KYAT3: variants seen among roughly 807,000 people sequenced by gnomAD.
KYAT3 encodes kynurenine--oxoglutarate transaminase 3.
Under a neutral mutation model 59.0 loss-of-function variants are expected in KYAT3, and 50 were observed. That is an observed-to-expected ratio of 0.85 (90% CI 0.68 to 1.07). The LOEUF is 1.07. Ranked by LOEUF, KYAT3 falls within the 50% of genes least tolerant of loss-of-function variation. KYAT3 has a pLI of 0.00. For synonymous variants in KYAT3, 148 were observed against 177.0 expected (o/e 0.84, Z 1.30); for missense variants, 497 against 533.3 (o/e 0.93, Z 0.67).
chr1:88,950,795 C>A (rs1205409816), intron 10 of KYAT3, among the ~76,000 whole-genome samples: 1 of 152,194 alleles, frequency 6.6e-6, no homozygotes, highest in Non-Finnish European at 1.5e-5. Flanking sequence ...CAGTCAGAGT[C>A]CATTTGCTAA....
chr1:88,952,601 C>T (rs944306942), intron 10 of KYAT3, among the ~76,000 whole-genome samples: 2 of 152,166 alleles, frequency 1.3e-5, no homozygotes, highest in African/African-American at 4.8e-5. Context: ...TTTTCTAAGG[C>T]CTCTCCAGAA....
chr1:88,990,391 C>G (rs1402356747), intron 1 of KYAT3, among the ~76,000 whole-genome samples: 2 of 152,236 alleles, frequency 1.3e-5, no homozygotes, highest in East Asian at 3.8e-4. Context: ...CCAGTGCAGT[C>G]TGACTTTTCA....
chr1:88,984,890 T>C (rs1052382292), intron 2 of KYAT3, among the ~76,000 whole-genome samples: 1 of 152,258 alleles, frequency 6.6e-6, no homozygotes, highest in South Asian at 2.1e-4. Flanking sequence ...CTTTACTACA[T>C]ATGAATTTGT....
rs199780126 is a variant in KYAT3, at chr1:88,964,824, C to G, written c.453+5G>C. 459 of 1,581,852 alleles carry G rather than the reference C, an allele frequency of 2.9e-4. 1 individual carries two copies. The highest frequency in any genetic ancestry group is 3.7e-4 in the Non-Finnish European group (434 of 1,163,790). On this transcript the variant is annotated splice_donor_5th_base_variant and intron_variant, in intron 5 of 13. Coordinates refer to ENST00000260508, the MANE Select transcript of KYAT3 (RefSeq NM_001008661.3). ...TGGGTATTACGATAATGTTAATATA[C>G]TTACTTCATCTCCCTCATCAATTAA... is the stretch of plus-strand genomic sequence containing the variant.
rs202226148 is a variant in KYAT3, at chr1:88,942,779, A to G, written c.1302+226T>C. ...GGGTTTCACTGTGTTATCCAGGATG[A>G]TCTTGATCTCCTGACCTCGTGATCA... On this transcript the variant is annotated intron_variant, in intron 13 of 13. Coordinates refer to ENST00000260508, the MANE Select transcript of KYAT3 (RefSeq NM_001008661.3). Among the ~76,000 whole-genome samples the G allele has an allele frequency of 8.9e-4, 135 of 151,900 alleles. 1 individual carries two copies. In the East Asian group the frequency reaches 0.024, roughly 27 times the overall value.
In KYAT3 at chr1:88,974,949, G is replaced by A. The variant is rs191073173; in HGVS notation, c.100-5482C>T. On this transcript the variant is annotated intron_variant, in intron 2 of 13. Transcript: ENST00000260508. ...AGGGCCAAATAAGGGAATAAAGGCC[G>A]GCCACGTGAGCCAGCAGGGGCAACC... Among the ~76,000 whole-genome samples the A allele has an allele frequency of 1.5e-3, 226 of 152,274 alleles. 3 individuals carry two copies. Among genetic ancestry groups the A allele is most frequent in the Admixed American group, 0.01 (157 of 15,288 alleles).
At chr1:88,931,969 T>C (rs1341052405), downstream of KYAT3, among the ~76,000 whole-genome samples, 1 of 136,610 alleles carries the variant, frequency 7.3e-6, no homozygotes, top group African/African-American at 2.7e-5. Flanking sequence ...GAAAAGATAA[T>C]GATTCTGTCT....
intron 10 of KYAT3, among the ~76,000 whole-genome samples, chr1:88,949,831 T>G (rs563369509): frequency 6.6e-6 from 1 of 152,334 alleles, no homozygotes; most frequent in East Asian, 1.9e-4. Flanking sequence ...GTAATTCCTC[T>G]ATCTTTCTTC....
the KYAT3 span, among the ~76,000 whole-genome samples, chr1:88,925,682 AAGAGAG>A: frequency 2.7e-5 from 4 of 148,082 alleles, no homozygotes; most frequent in South Asian, 6.4e-4. Context: ...AGAGAGATGG[AAGAGAG>A]AGAGAGAGAG....
At chr1:88,945,275 G>A (rs1300921155) in intron 11 of KYAT3, among the ~76,000 whole-genome samples, 1 of 152,154 alleles carries the variant, frequency 6.6e-6, no homozygotes, top group African/African-American at 2.4e-5. Flanking sequence ...ATCCTCAAGG[G>A]AACTAAAGTC....
intron 12 of KYAT3, 128 bp downstream of exon 12, chr1:88,943,222 T>C: frequency 6.8e-6 from 7 of 1,029,226 alleles, no homozygotes; most frequent in Non-Finnish European, 1.0e-5. Flanking sequence ...AAAAATGCTT[T>C]TAAAAGCCAC....
intron 11 of KYAT3, among the ~76,000 whole-genome samples, chr1:88,947,499 T>A (rs1675490104): frequency 6.6e-6 from 1 of 152,188 alleles, no homozygotes; most frequent in Non-Finnish European, 1.5e-5. Flanking sequence ...ACAGGTCAGA[T>A]GAGAGCCACA....
chr1:88,932,548 C>T (rs891960439), downstream of KYAT3, among the ~76,000 whole-genome samples: 1 of 152,038 alleles, frequency 6.6e-6, no homozygotes, highest in Non-Finnish European at 1.5e-5. Context: ...GGCTGAAGTG[C>T]AGTGGTGTGA....
intron 2 of KYAT3, chr1:88,983,105 T>C (rs1310396339): frequency 6.2e-7 from 1 of 1,612,280 alleles, no homozygotes; most frequent in Non-Finnish European, 8.5e-7. Context: ...ACGGTAAGTA[T>C]AATCTCGTGG....
chr1:88,961,293 C>A lies in KYAT3; in HGVS notation c.667-6G>T. The stretch of plus-strand genomic sequence containing the variant: ...AGTTCCTCTCTGTTATACACCTACA[C>A]ATAATAAAGGAAAGAGCACAGCCAA... On this transcript the variant is annotated splice_polypyrimidine_tract_variant and splice_region_variant and intron_variant, in intron 7 of 13. Transcript: ENST00000260508. 1 of 1,613,566 alleles carries A rather than the reference C, an allele frequency of 6.2e-7. No homozygotes were observed. Among genetic ancestry groups the A allele is most frequent in the Non-Finnish European group, 8.5e-7 (1 of 1,179,878 alleles).
At position 88,976,230 on chromosome 1, in the gene KYAT3, G is replaced by A. The variant is rs543355761; in HGVS notation, c.100-6763C>T. ...AAATTAGCCGGGTGTGGTGGCATGCGCCTGTAGTCCCAGCTACTCCGGAGG... is the reference window on the plus strand; with the variant it reads ...AAATTAGCCGGGTGTGGTGGCATGCACCTGTAGTCCCAGCTACTCCGGAGG... On this transcript the variant is annotated intron_variant, in intron 2 of 13. Transcript: ENST00000260508. 3.3e-5 allele frequency among the ~76,000 whole-genome samples: 5 copies of A among 151,718 alleles called. No homozygotes were observed. In the East Asian group the frequency reaches 5.8e-4, roughly 18 times the overall value.
At chr1:88,949,594 G>A (rs955126365) in intron 10 of KYAT3, among the ~76,000 whole-genome samples, 1 of 152,212 alleles carries the variant, frequency 6.6e-6, no homozygotes, top group African/African-American at 2.4e-5. Flanking sequence ...GAGGTGAGTT[G>A]TAGAATGACT....
chr1:88,957,043 A>C (rs1185355009), intron 8 of KYAT3, among the ~76,000 whole-genome samples: 1 of 152,230 alleles, frequency 6.6e-6, no homozygotes, highest in Admixed American at 6.5e-5. Context: ...TAATCTGCTC[A>C]TAAGCAAGTA....
Position 88,953,105 on chromosome 1 carries a change from T to A in KYAT3, c.912A>T (p.Thr304=). 1 of 1,613,618 alleles carries A rather than the reference T, an allele frequency of 6.2e-7. No homozygotes were observed. The highest frequency in any genetic ancestry group is 8.5e-7 in the Non-Finnish European group (1 of 1,179,536). The change falls in exon 10 of 14, where the codon ACA becomes ACT. Residue 304 remains threonine, a synonymous_variant. Coordinates refer to ENST00000260508, the MANE Select transcript of KYAT3 (RefSeq NM_001008661.3). ...AAGTATAAATCGTGTTTTGTTGAACTGTCTGTAAATGTTTTATCAAATGAT... is the reference window on the plus strand; with the variant it reads ...AAGTATAAATCGTGTTTTGTTGAACAGTCTGTAAATGTTTTATCAAATGAT... The part of the protein sequence containing the change: ...GPNHLIKHLQ[T]VQQNTIYTCA...
Sources: gnomAD v4.1 joint callset for allele counts (sites outside exome capture counted in the v4.1 genomes callset) on GRCh38, gnomAD v4.1.1 for gene constraint, MANE v1.5 for transcripts, NCBI Gene and HGNC (gene_info 2026-07-23, HGNC 2026-07-21) for gene names.